Variants in SCN10A observed in about 807,000 individuals in gnomAD.
SCN10A encodes the protein sodium voltage-gated channel alpha subunit 10.
In SCN10A, 162 loss-of-function variants were observed where a neutral mutation model predicts 170.7. That is an observed-to-expected ratio of 0.95 (90% CI 0.84 to 1.08). SCN10A has a LOEUF of 1.08. Ranked by LOEUF, SCN10A falls within the 50% of genes least tolerant of loss-of-function variation. The pLI is 0.00. For missense variants in SCN10A, 2,527 were observed against 2,436.9 expected, an observed-to-expected ratio of 1.04 and a Z score of -0.78; for synonymous variants, 985 against 904.6, an observed-to-expected ratio of 1.09 and a Z score of -1.59.
intron 23 of SCN10A, 64 bp downstream of exon 23, chr3:38,712,097 C>G (rs1195295914): frequency 6.5e-7 from 1 of 1,537,752 alleles, no homozygotes; most frequent in Non-Finnish European, 8.9e-7. Flanking sequence ...TTCTGGGAAC[C>G]TAGACTCTCC....
chr3:38,729,870 C>A (rs994124721), intron 15 of SCN10A, among the ~76,000 whole-genome samples: 1 of 152,116 alleles, frequency 6.6e-6, no homozygotes, highest in African/African-American at 2.4e-5. Flanking sequence ...GTGAGTAAAT[C>A]CCACGGGAGG....
chr3:38,697,193 G>A lies in SCN10A; in HGVS notation c.*156C>T. The A allele has an allele frequency of 8.5e-7, 1 of 1,179,574 alleles. No homozygotes were observed. The highest frequency in any genetic ancestry group is 1.2e-6 in the Non-Finnish European group (1 of 859,044). The allele number at this position is 1,179,574 out of a possible 1,614,324, so 73.1% of individuals were successfully genotyped here. On this transcript the variant is annotated 3_prime_UTR_variant, in exon 28 of 28. Transcript: ENST00000449082. ...ATTTGTGTATGATGGTTTTTTCAAA[G>A]GTGGTTACCAGTTGCATTCCCTGCC...
At chr3:38,800,372 GCCCAGGGGGCCCC>G (rs2064363993) in intron 1 of SCN10A, among the ~76,000 whole-genome samples, 1 of 152,192 alleles carries the variant, frequency 6.6e-6, no homozygotes, top group South Asian at 2.1e-4. Flanking sequence ...CTGAGGTGAG[GCCCAGGGGGCCCC>G]ATTTTTAACA....
chr3:38,775,196 A>G (rs2064057857), intron 4 of SCN10A, among the ~76,000 whole-genome samples: 1 of 152,144 alleles, frequency 6.6e-6, no homozygotes, highest in Admixed American at 6.5e-5. Flanking sequence ...CTGTTTCCAA[A>G]CTTTTTTATA....
At chr3:38,734,704 T>TA (rs1011969356) in intron 15 of SCN10A, among the ~76,000 whole-genome samples, 10 of 152,090 alleles carry the variant, frequency 6.6e-5, no homozygotes, top group Admixed American at 2.0e-4. Context: ...TTCTTATCTT[T>TA]AAAAAAAGCC....
chr3:38,783,747 A>G (rs936676132), intron 4 of SCN10A, among the ~76,000 whole-genome samples: 6 of 152,106 alleles, frequency 3.9e-5, no homozygotes, highest in African/African-American at 1.4e-4. Flanking sequence ...AGAATACAGC[A>G]TATGTATGCT....
chr3:38,714,046 T>C lies in SCN10A; in HGVS notation c.3716A>G (p.Glu1239Gly). Residue 1239 changes from glutamate (E) to glycine (G), a missense_variant, in exon 22 of 28, where the codon GAA becomes GGA. Coordinates refer to ENST00000449082, the MANE Select transcript of SCN10A (RefSeq NM_006514.4). ...SLISLTAKIL[E>G]YSEVAPIKAL... ...TTTGATGGGAGCCACTTCAGAATAT[T>C]CCAGAATCTTCGCTGTGAGACTTAT... 1.2e-6 allele frequency: 2 copies of C among 1,614,158 alleles called. No homozygotes were observed. The highest frequency in any genetic ancestry group is 1.7e-6 in the Non-Finnish European group (2 of 1,180,020).
At chr3:38,718,451 A>G (rs1437419762) in intron 21 of SCN10A, among the ~76,000 whole-genome samples, 1 of 152,222 alleles carries the variant, frequency 6.6e-6, no homozygotes, top group South Asian at 2.1e-4. Flanking sequence ...CCTAACAGTC[A>G]CTATTGTGTC....
chr3:38,698,287 G>A lies in SCN10A; in HGVS notation c.4933C>T (p.Gln1645Ter). 1 of 1,614,146 alleles carries A rather than the reference G, an allele frequency of 6.2e-7. No individual in the cohort carries two copies. Residue 1645 changes from glutamine to a stop codon, truncating the protein, a stop_gained, in exon 28 of 28, where the codon CAG becomes TAG. Coordinates refer to ENST00000449082, the MANE Select transcript of SCN10A (RefSeq NM_006514.4). LOFTEE classifies it high-confidence loss of function. ...CACAGCATGCTGTTGGCGAAGGTCTGGAAGTTGAACATGTCGTCGATGCCA... is the reference window on the plus strand; with the variant it reads ...CACAGCATGCTGTTGGCGAAGGTCTAGAAGTTGAACATGTCGTCGATGCCA... ...EAGIDDMFNF[Q>*]TFANSMLCLF...
intron 13 of SCN10A, among the ~76,000 whole-genome samples, chr3:38,746,724 T>C (rs552586846): frequency 6.6e-6 from 1 of 152,262 alleles, no homozygotes; most frequent in South Asian, 2.1e-4. Context: ...TGCTTTGCAG[T>C]CCTTTCAGCC....
intron 1 of SCN10A, among the ~76,000 whole-genome samples, chr3:38,804,704 A>G (rs2064394847): frequency 6.6e-6 from 1 of 152,136 alleles, no homozygotes; most frequent in African/African-American, 2.4e-5. Flanking sequence ...GAAACTGACC[A>G]TAATCCAGGT....
chr3:38,786,605 T>C (rs1164752319), intron 4 of SCN10A, among the ~76,000 whole-genome samples: 1 of 152,194 alleles, frequency 6.6e-6, no homozygotes, highest in Admixed American at 6.5e-5. Context: ...TCTGCACATG[T>C]ACCCCAGAAC....
chr3:38,723,626 G>T, intron 18 of SCN10A, 73 bp from the exon 19 acceptor site: 1 of 1,513,364 alleles, frequency 6.6e-7, no homozygotes, highest in Non-Finnish European at 8.9e-7. Context: ...GGTCACTGCA[G>T]GTTCAACTGC....
In SCN10A at chr3:38,798,637, C is replaced by T. The variant is rs190329902; in HGVS notation, c.-32-4595G>A. On this transcript the variant is annotated intron_variant, in intron 1 of 27. Coordinates refer to ENST00000449082, the MANE Select transcript of SCN10A (RefSeq NM_006514.4). ...ATCTATTCTAGTTTAGCTCCAAGCTCGGCCCTGGCTTTCAAACAGTCTGCA... is the reference window on the plus strand; with the variant it reads ...ATCTATTCTAGTTTAGCTCCAAGCTTGGCCCTGGCTTTCAAACAGTCTGCA... 8.5e-5 allele frequency among the ~76,000 whole-genome samples: 13 copies of T among 152,242 alleles called. No individual in the cohort carries two copies. In the South Asian group the frequency reaches 1.7e-3, roughly 19 times the overall value.
intron 15 of SCN10A, among the ~76,000 whole-genome samples, chr3:38,733,815 G>A (rs1244990668): frequency 6.6e-6 from 1 of 151,982 alleles, no homozygotes; most frequent in Non-Finnish European, 1.5e-5. Context: ...CCGCCTCCCG[G>A]GTTCAAGCAA....
intron 15 of SCN10A, 94 bp downstream of exon 15, chr3:38,739,421 G>C: frequency 8.6e-7 from 1 of 1,161,576 alleles, no homozygotes; most frequent in Non-Finnish European, 1.2e-6. Context: ...GGACAGGAGA[G>C]GAAGGGGGAG....
intron 3 of SCN10A, among the ~76,000 whole-genome samples, chr3:38,790,024 T>C (rs2064260962): frequency 6.6e-6 from 1 of 152,184 alleles, no homozygotes; most frequent in African/African-American, 2.4e-5. Context: ...TTGATGTGTC[T>C]AGTTTTACAG....
At chr3:38,733,709 A>C (rs982211759) in intron 15 of SCN10A, among the ~76,000 whole-genome samples, 1 of 151,926 alleles carries the variant, frequency 6.6e-6, no homozygotes, top group African/African-American at 2.4e-5. Flanking sequence ...TTTTAAATTT[A>C]AAATTTATTT....
intron 5 of SCN10A, among the ~76,000 whole-genome samples, chr3:38,766,074 A>G (rs77136813): frequency 0.23 from 34,556 of 151,298 alleles, 4,208 homozygotes; most frequent in East Asian, 0.4. Flanking sequence ...TGATTTGTAT[A>G]CATTGTTTTT....
Sources: gnomAD v4.1 joint callset for allele counts (sites outside exome capture counted in the v4.1 genomes callset) on GRCh38, gnomAD v4.1.1 for gene constraint, MANE v1.5 for transcripts, NCBI Gene and HGNC (gene_info 2026-07-23, HGNC 2026-07-21) for gene names.